KANK1: variants seen among roughly 807,000 people sequenced by gnomAD.
KANK1 encodes KN motif and ankyrin repeat domains 1, also known as KN motif and ankyrin repeat domain-containing protein 1.
KANK1 carries 109 observed loss-of-function variants against 106.2 expected under a neutral mutation model. The observed-to-expected ratio is 1.03, with a 90% CI of 0.88 to 1.20. The LOEUF (loss-of-function observed/expected upper bound fraction) is 1.20, where lower values mean the gene tolerates loss of function less well. Among genes scored for constraint, KANK1 ranks in the 50% most tolerant of loss-of-function variants. The pLI, the probability that KANK1 is intolerant of heterozygous loss-of-function variation, is 0.00. For missense variants in KANK1, 2,399 were observed against 1,710.7 expected, an observed-to-expected ratio of 1.40 and a Z score of -7.10; for synonymous variants, 873 against 652.2, an observed-to-expected ratio of 1.34 and a Z score of -5.16.
intron 1 of KANK1, among the ~76,000 whole-genome samples, chr9:659,614 A>G (rs1842868810): frequency 6.6e-6 from 1 of 152,228 alleles, no homozygotes; most frequent in Admixed American, 6.5e-5. Context: ...GTAAAGAAGC[A>G]TGGCTGGGAA....
intron 1 of KANK1, among the ~76,000 whole-genome samples, chr9:555,007 G>A (rs1020799111): frequency 2.6e-5 from 4 of 152,154 alleles, no homozygotes; most frequent in Non-Finnish European, 4.4e-5. Flanking sequence ...ATGTTTTACC[G>A]GCTGCCTGGG....
chr9:661,024 C>T (rs1352364223), intron 1 of KANK1, among the ~76,000 whole-genome samples: 1 of 152,194 alleles, frequency 6.6e-6, no homozygotes, highest in African/African-American at 2.4e-5. Context: ...GTAGAGCTTG[C>T]AACTTAATGG....
At chr9:545,906 C>T (rs1199826274) in intron 1 of KANK1, among the ~76,000 whole-genome samples, 5 of 151,800 alleles carry the variant, frequency 3.3e-5, no homozygotes, top group East Asian at 1.9e-4. Context: ...CCACCATGCC[C>T]GGCTAATTTT....
chr9:522,096 T>G lies in KANK1; in HGVS notation c.-84+17342T>G, dbSNP rs975655365. Among the ~76,000 whole-genome samples the G allele has an allele frequency of 2.3e-4, 35 of 151,856 alleles. 2 individuals carry two copies. Among genetic ancestry groups the G allele is most frequent in the African/African-American group, 8.3e-4 (34 of 41,152 alleles). ...TTGATTTGTTGAATAATGTAAATAT[T>G]GTAAGAGATTGTGATTTCCTCATTG... On this transcript the variant is annotated intron_variant, in intron 1 of 11. Transcript: ENST00000382297.
At chr9:511,218 T>A (rs1263287336) in intron 1 of KANK1, among the ~76,000 whole-genome samples, 1 of 152,206 alleles carries the variant, frequency 6.6e-6, no homozygotes, top group Non-Finnish European at 1.5e-5. Context: ...TAAAGGGCAC[T>A]GCATTTAGGC....
intron 1 of KANK1, among the ~76,000 whole-genome samples, chr9:595,028 A>G (rs962863090): frequency 6.6e-6 from 1 of 151,956 alleles, no homozygotes; most frequent in Non-Finnish European, 1.5e-5. Context: ...AAAAGAAAAA[A>G]AAGAATTTTT....
chr9:533,113 C>T (rs2060141067), intron 1 of KANK1, among the ~76,000 whole-genome samples: 1 of 152,076 alleles, frequency 6.6e-6, no homozygotes, highest in African/African-American at 2.4e-5. Flanking sequence ...TGACTTATTG[C>T]CAGTCAGAGG....
chr9:634,715 T>C (rs1425474943), intron 1 of KANK1, among the ~76,000 whole-genome samples: 1 of 152,218 alleles, frequency 6.6e-6, no homozygotes, highest in East Asian at 1.9e-4. Flanking sequence ...GTGGTTATCT[T>C]AGCCCATGCC....
intron 1 of KANK1, among the ~76,000 whole-genome samples, chr9:649,089 G>A (rs1563924126): frequency 2.6e-5 from 4 of 152,092 alleles, no homozygotes; most frequent in Admixed American, 6.5e-5. Flanking sequence ...TGTTTTTACT[G>A]TATCTCGTGA....
chr9:486,457 C>A (rs1447921103), intron 3 of KANK1, among the ~76,000 whole-genome samples: 2 of 152,128 alleles, frequency 1.3e-5, no homozygotes, highest in African/African-American at 4.8e-5. Context: ...ATCTTCACAA[C>A]TGCCTTATGG....
Position 498,292 on chromosome 9 carries a change from G to T in KANK1, c.-362+25019G>T, listed in dbSNP as rs150547898. 3.3e-5 allele frequency among the ~76,000 whole-genome samples: 5 copies of T among 152,316 alleles called. No individual in the cohort carries two copies. In the East Asian group the frequency reaches 5.8e-4, roughly 18 times the overall value. ...TCTACTACAGAAATGGGCTGATGGGGTGAAACTCGGAACCAGGGCAGATGC... is the reference window on the plus strand; with the variant it reads ...TCTACTACAGAAATGGGCTGATGGGTTGAAACTCGGAACCAGGGCAGATGC... On this transcript the variant is annotated intron_variant, in intron 3 of 15. Coordinates refer to the KANK1 transcript ENST00000382303.
chr9:712,240 C>T lies in KANK1; in HGVS notation c.1474C>T (p.Leu492=). 1 of 1,614,148 alleles carries T rather than the reference C, an allele frequency of 6.2e-7. No homozygotes were observed. Among genetic ancestry groups the T allele is most frequent in the Non-Finnish European group, 8.5e-7 (1 of 1,180,008 alleles). ...GGAGATGACTAAACTGAAACAAGAG[C>T]TGCAGGCTGCTGGATCGAGGAAAAA... is the stretch of plus-strand genomic sequence containing the variant. ...DREMTKLKQE[L]QAAGSRKKVD... The change falls in exon 3 of 12, where the codon CTG becomes TTG. Residue 492 remains leucine, a synonymous_variant. Coordinates refer to ENST00000382297, the MANE Select transcript of KANK1 (RefSeq NM_015158.5).
chr9:668,075 T>A (rs1845071609), intron 1 of KANK1, among the ~76,000 whole-genome samples: 1 of 152,190 alleles, frequency 6.6e-6, no homozygotes, highest in Non-Finnish European at 1.5e-5. Flanking sequence ...TCCATTGTGG[T>A]CAGAAAGGAT....
chr9:485,869 CAAAAAA>C (rs58910749), intron 3 of KANK1, among the ~76,000 whole-genome samples: 22 of 98,316 alleles, frequency 2.2e-4, no homozygotes, highest in Middle Eastern at 6.1e-3. Context: ...AGAATTGTCT[CAAAAAA>C]AAAAAAAAAA....
chr9:590,183 G>C (rs1183086190), intron 1 of KANK1, among the ~76,000 whole-genome samples: 1 of 152,094 alleles, frequency 6.6e-6, no homozygotes, highest in African/African-American at 2.4e-5. Context: ...TGATATTTAT[G>C]GTTGCTTTTT....
At chr9:506,527 G>GGT (rs36217612) in intron 1 of KANK1, among the ~76,000 whole-genome samples, 2,017 of 149,592 alleles carry the variant, frequency 0.013, 20 homozygotes, top group Middle Eastern at 0.045. Context: ...GTGAGTTCTG[G>GGT]GTGTGTGTGT....
At position 592,041 on chromosome 9, in the gene KANK1, TG is replaced by T. The variant is rs1395872769; in HGVS notation, c.-83-84848del. On this transcript the variant is annotated intron_variant, in intron 1 of 11. Coordinates refer to ENST00000382297, the MANE Select transcript of KANK1 (RefSeq NM_015158.5). ...ACCATAGGGGCAGGGACCTTGTCTGTGTTGACCACAGCGAGGTCTCTAGTGC... is the reference window on the plus strand; with the variant it reads ...ACCATAGGGGCAGGGACCTTGTCTGTTTGACCACAGCGAGGTCTCTAGTGC... Among the ~76,000 whole-genome samples, 18 of 151,932 alleles carry T rather than the reference TG, an allele frequency of 1.2e-4. 1 individual carries two copies. The highest frequency in any genetic ancestry group is 4.4e-4 in the African/African-American group (18 of 41,216).
rs561751558 is a variant in KANK1, at chr9:506,858, G to A, written c.-84+2104G>A. 1.6e-4 allele frequency among the ~76,000 whole-genome samples: 25 copies of A among 152,332 alleles called. 1 individual carries two copies. In the South Asian group the frequency reaches 5.2e-3, roughly 32 times the overall value. On this transcript the variant is annotated intron_variant, in intron 1 of 11. Coordinates refer to ENST00000382297, the MANE Select transcript of KANK1 (RefSeq NM_015158.5). ...ATAATGGCCGAAAGGGGCAGTGCTT[G>A]TGGGAGCTGAGGACTGTTGAGATGG...
upstream of KANK1, among the ~76,000 whole-genome samples, chr9:504,541 T>C (rs1587297416): frequency 6.6e-6 from 1 of 151,412 alleles, no homozygotes; most frequent in African/African-American, 2.4e-5. Context: ...CACGCGCCGC[T>C]CCGGGGCGCA....
Sources: gnomAD v4.1 joint callset for allele counts (sites outside exome capture counted in the v4.1 genomes callset) on GRCh38, gnomAD v4.1.1 for gene constraint, MANE v1.5 for transcripts, NCBI Gene and HGNC (gene_info 2026-07-23, HGNC 2026-07-21) for gene names.